The following MYO3B variants were observed in gnomAD, a reference collection of about 807,000 sequenced individuals.
The protein encoded by MYO3B is myosin IIIB, also known as myosin-IIIb.
A neutral mutation model predicts 174.6 loss-of-function variants in MYO3B; 156 were observed. The ratio of observed to expected loss-of-function variants is 0.89; its 90% confidence interval spans 0.78 to 1.02. The LOEUF (loss-of-function observed/expected upper bound fraction) is 1.02, where lower values mean the gene tolerates loss of function less well. Ranked by LOEUF, MYO3B falls within the 50% of genes least tolerant of loss-of-function variation. MYO3B has a pLI of 0.00. For missense variants in MYO3B, 1,632 were observed against 1,639.4 expected, an observed-to-expected ratio of 1.00 and a Z score of 0.08; for synonymous variants, 563 against 569.1, an observed-to-expected ratio of 0.99 and a Z score of 0.15.
At position 170,230,336 on chromosome 2, in the gene MYO3B, A is replaced by ATTTTTTTTTTT. The variant is rs60171555; in HGVS notation, c.604-5639_604-5629dup. On this transcript the variant is annotated intron_variant, in intron 6 of 34. Coordinates refer to ENST00000408978, the MANE Select transcript of MYO3B (RefSeq NM_138995.5). The stretch of plus-strand genomic sequence containing the variant: ...AGGCATGTGCCACCACGCCTGGCTA[A>ATTTTTTTTTTT]TTTTTTTTTTTTTTTTTTTTTTTTT... Among the ~76,000 whole-genome samples, 108 of 64,718 alleles carry ATTTTTTTTTTT rather than the reference A, an allele frequency of 1.7e-3. 19 individuals are homozygous for ATTTTTTTTTTT. The highest frequency in any genetic ancestry group is 6.4e-3 in the African/African-American group (94 of 14,640). 42.5% of individuals were successfully genotyped at this position (64,718 alleles called of 152,430 possible). A position where few individuals can be genotyped will look rare whatever the true frequency, so the allele number is the denominator to read the frequency against.
chr2:170,229,281 C>T (rs1221991706), intron 6 of MYO3B, among the ~76,000 whole-genome samples: 1 of 152,168 alleles, frequency 6.6e-6, no homozygotes, highest in Admixed American at 6.5e-5. Flanking sequence ...CAGTCTATTG[C>T]CTGCATTTTT....
At chr2:170,197,178 G>A (rs768802675) in intron 1 of MYO3B, among the ~76,000 whole-genome samples, 6 of 151,906 alleles carry the variant, frequency 3.9e-5, no homozygotes, top group South Asian at 2.1e-4. Flanking sequence ...CCAGTGCCTC[G>A]CCACTCCCAC....
chr2:170,188,000 A>G (rs6742388), intron 1 of MYO3B, among the ~76,000 whole-genome samples: 65,191 of 152,058 alleles, frequency 0.43, 15,227 homozygotes, highest in East Asian at 0.57. Flanking sequence ...TGTAATGCAG[A>G]TAAAGTCCAA....
intron 9 of MYO3B, among the ~76,000 whole-genome samples, chr2:170,376,902 T>C (rs988629879): frequency 6.6e-6 from 1 of 152,224 alleles, no homozygotes; most frequent in Non-Finnish European, 1.5e-5. Flanking sequence ...TGTTTCCTTC[T>C]CATGTTTGAG....
chr2:170,244,571 T>A (rs1251288048), intron 7 of MYO3B, among the ~76,000 whole-genome samples: 2 of 151,740 alleles, frequency 1.3e-5, no homozygotes, highest in Non-Finnish European at 2.9e-5. Flanking sequence ...ATTAGAGGAG[T>A]AGAAAAGGGA....
Position 170,291,908 on chromosome 2 carries a change from A to C in MYO3B, c.750-43477A>C, listed in dbSNP as rs182885655. 5.9e-5 allele frequency among the ~76,000 whole-genome samples: 9 copies of C among 152,162 alleles called. No individual in the cohort carries two copies. The East Asian group carries it at 1.5e-3, about 26-fold the overall frequency. The stretch of plus-strand genomic sequence containing the variant: ...TTTTGATTATTATATGCTTTGGATT[A>C]GTCTTTTTTGGGTTGAATCTGTTTG... On this transcript the variant is annotated intron_variant, in intron 7 of 34. Transcript: ENST00000408978.
At chr2:170,373,899 T>A (rs1298026126) in intron 9 of MYO3B, among the ~76,000 whole-genome samples, 1 of 151,400 alleles carries the variant, frequency 6.6e-6, no homozygotes, top group Non-Finnish European at 1.5e-5. Flanking sequence ...AATCGTTAAA[T>A]CTTTGAGATA....
chr2:170,415,049 A>G (rs2094569461), intron 22 of MYO3B, among the ~76,000 whole-genome samples: 1 of 152,172 alleles, frequency 6.6e-6, no homozygotes, highest in Non-Finnish European at 1.5e-5. Flanking sequence ...CTTCCTTTCC[A>G]ATCTTAATGC....
chr2:170,626,051 C>G (rs1293257605), intron 32 of MYO3B, among the ~76,000 whole-genome samples: 1 of 152,170 alleles, frequency 6.6e-6, no homozygotes, highest in East Asian at 1.9e-4. Context: ...GTGGAAAGTT[C>G]TGTAGATGTC....
chr2:170,521,051 G>A (rs901214466), intron 30 of MYO3B, among the ~76,000 whole-genome samples: 8 of 152,084 alleles, frequency 5.3e-5, no homozygotes, highest in African/African-American at 1.9e-4. Flanking sequence ...AGAGTTCTTT[G>A]CATCTTTTCA....
chr2:170,617,574 C>T (rs1695546392), intron 32 of MYO3B, among the ~76,000 whole-genome samples: 1 of 152,156 alleles, frequency 6.6e-6, no homozygotes, highest in Non-Finnish European at 1.5e-5. Flanking sequence ...ACTCTCATAC[C>T]AGTCATAGCT....
At chr2:170,552,951 C>T (rs1388700749) in intron 32 of MYO3B, among the ~76,000 whole-genome samples, 1 of 152,216 alleles carries the variant, frequency 6.6e-6, no homozygotes, top group Admixed American at 6.5e-5. Flanking sequence ...GCCATTGCTT[C>T]AAGCCCCAAG....
At chr2:170,216,361 A>G (rs920206511) in intron 5 of MYO3B, among the ~76,000 whole-genome samples, 6 of 152,168 alleles carry the variant, frequency 3.9e-5, no homozygotes, top group African/African-American at 1.4e-4. Flanking sequence ...TTGTTCTCCT[A>G]TTTGGTCTTA....
At chr2:170,407,671 G>T in intron 21 of MYO3B, 44 bp from the exon 22 acceptor site, 1 of 1,606,120 alleles carries the variant, frequency 6.2e-7, no homozygotes. Flanking sequence ...ACCAATGACG[G>T]ACAGTTGACT....
At chr2:170,335,307 T>G in intron 7 of MYO3B, 78 bp from the exon 8 acceptor site, 2 of 1,048,998 alleles carry the variant, frequency 1.9e-6, no homozygotes, top group Non-Finnish European at 2.9e-6. Context: ...TTTAGAATGA[T>G]ATCAATAAAA....
intron 7 of MYO3B, among the ~76,000 whole-genome samples, chr2:170,277,816 C>G (rs893391349): frequency 6.6e-6 from 1 of 152,196 alleles, no homozygotes; most frequent in Non-Finnish European, 1.5e-5. Context: ...CAGATATTTT[C>G]CATGTAAAAT....
At chr2:170,426,014 T>C (rs1433035246) in intron 22 of MYO3B, among the ~76,000 whole-genome samples, 1 of 152,084 alleles carries the variant, frequency 6.6e-6, no homozygotes, top group African/African-American at 2.4e-5. Flanking sequence ...TTTTTTGATC[T>C]GGAGCAGAGT....
chr2:170,341,324 A>G (rs1411347573), intron 8 of MYO3B: 1 of 152,212 alleles, frequency 6.6e-6, no homozygotes, highest in East Asian at 1.9e-4. Context: ...TGAACAACAC[A>G]CTTGCAGTGA....
chr2:170,459,889 G>A (rs1684152664), intron 23 of MYO3B, among the ~76,000 whole-genome samples: 1 of 152,086 alleles, frequency 6.6e-6, no homozygotes, highest in African/African-American at 2.4e-5. Flanking sequence ...CTCACTGCCC[G>A]TGGCCAGCGG....
Sources: gnomAD v4.1 joint callset for allele counts (sites outside exome capture counted in the v4.1 genomes callset) on GRCh38, gnomAD v4.1.1 for gene constraint, MANE v1.5 for transcripts, NCBI Gene and HGNC (gene_info 2026-07-23, HGNC 2026-07-21) for gene names.